The following SLC2A7 variants were observed in gnomAD, a reference collection of about 807,000 sequenced individuals.
SLC2A7 encodes the protein solute carrier family 2, facilitated glucose transporter member 7.
Under a neutral mutation model 50.5 loss-of-function variants are expected in SLC2A7, and 50 were observed. The ratio of observed to expected loss-of-function variants is 0.99; its 90% CI spans 0.79 to 1.25. The LOEUF is 1.25. Among genes scored for constraint, SLC2A7 ranks in the 50% most tolerant of loss-of-function variants. The pLI is 0.00. For synonymous variants in SLC2A7, 308 were observed against 300.4 expected (o/e 1.03, Z -0.26); for missense variants, 683 against 679.1 (o/e 1.01, Z -0.06).
chr1:9,020,243 G>T (rs756713718), intron 3 of SLC2A7, among the ~76,000 whole-genome samples: 1 of 152,162 alleles, frequency 6.6e-6, no homozygotes, highest in Non-Finnish European at 1.5e-5. Context: ...AACAAAGAAT[G>T]GGCTGTCCCA....
intron 7 of SLC2A7, among the ~76,000 whole-genome samples, chr1:9,013,852 T>C (rs528938798): frequency 6.6e-6 from 1 of 152,214 alleles, no homozygotes; most frequent in Admixed American, 6.5e-5. Context: ...AGCTCCTCCC[T>C]CTCTGGGCCT....
downstream of SLC2A7, among the ~76,000 whole-genome samples, chr1:8,999,578 C>T (rs1640548337): frequency 6.6e-6 from 1 of 152,198 alleles, no homozygotes; most frequent in Admixed American, 6.5e-5. Flanking sequence ...TCACTCAGCC[C>T]ACACTCTGGT....
At chr1:9,000,914 T>C (rs1486110337), downstream of SLC2A7, among the ~76,000 whole-genome samples, 2 of 152,020 alleles carry the variant, frequency 1.3e-5, no homozygotes, top group African/African-American at 4.8e-5. Context: ...TAGACAGCTC[T>C]GCTCCTGGGC....
Position 9,020,405 on chromosome 1 carries a change from A to G in SLC2A7, c.312-1072T>C, listed in dbSNP as rs1312021677. Among the ~76,000 whole-genome samples, 7 of 152,280 alleles carry G rather than the reference A, an allele frequency of 4.6e-5. No individual in the cohort carries two copies. The South Asian group carries it at 1.5e-3, about 32-fold the overall frequency. ...TACATGATTTCTAAGATCCCTTCCAAGGCTGAAAAACCACAAGCCTGAGAA... is the reference window on the plus strand; with the variant it reads ...TACATGATTTCTAAGATCCCTTCCAGGGCTGAAAAACCACAAGCCTGAGAA... On this transcript the variant is annotated intron_variant, in intron 3 of 11. Coordinates refer to ENST00000400906, the MANE Select transcript of SLC2A7 (RefSeq NM_207420.3).
intron 11 of SLC2A7, among the ~76,000 whole-genome samples, chr1:9,004,259 G>T (rs774569363): frequency 2.0e-5 from 3 of 151,730 alleles, no homozygotes; most frequent in Non-Finnish European, 2.9e-5. Flanking sequence ...CTTAAGCCTG[G>T]GAGGTCAAGG....
chr1:9,016,080 C>T (rs1232835679), intron 5 of SLC2A7, among the ~76,000 whole-genome samples: 1 of 152,160 alleles, frequency 6.6e-6, no homozygotes, highest in Non-Finnish European at 1.5e-5. Flanking sequence ...CTGAATGAGG[C>T]ACAGGTGCTA....
chr1:9,021,581 G>A (rs1640913408), intron 3 of SLC2A7, among the ~76,000 whole-genome samples: 1 of 152,144 alleles, frequency 6.6e-6, no homozygotes, highest in Admixed American at 6.5e-5. Flanking sequence ...ACTGAGGACT[G>A]GCCAGGGAGT....
In SLC2A7 at chr1:9,003,286, T is replaced by C. The variant is rs1640601386; in HGVS notation, c.*14A>G. 2 of 1,613,512 alleles carry C rather than the reference T, an allele frequency of 1.2e-6. No homozygotes were observed. Among genetic ancestry groups the C allele is most frequent in the Non-Finnish European group, 8.5e-7 (1 of 1,179,710 alleles). The stretch of plus-strand genomic sequence containing the variant: ...AAGCCTTGAATATGGGCTCCCGTCC[T>C]TCATGCAGGGCCACTAAAAGGAAGT... On this transcript the variant is annotated 3_prime_UTR_variant, in exon 12 of 12. Coordinates refer to ENST00000400906, the MANE Select transcript of SLC2A7 (RefSeq NM_207420.3).
chr1:9,019,095 C>G, intron 4 of SLC2A7, 114 bp downstream of exon 4: 1 of 1,378,880 alleles, frequency 7.3e-7, no homozygotes, highest in Non-Finnish European at 9.8e-7. Context: ...GATGGGAGGA[C>G]GTCTTGAAAT....
In SLC2A7 at chr1:9,018,322, G is replaced by C; in HGVS notation, c.490C>G (p.Leu164Val). Residue 164 changes from leucine to valine, a missense_variant, in exon 5 of 12, where the codon CTG becomes GTG. Coordinates refer to ENST00000400906, the MANE Select transcript of SLC2A7 (RefSeq NM_207420.3). ...MYLGELAPKN[L>V]RGMVGTMTEV... The stretch of plus-strand genomic sequence containing the variant: ...GTCATTGTTCCCACCATGCCTCTCA[G>C]GTTCTTGGGGGCCAGTTCTCCCAGG... The C allele has an allele frequency of 6.2e-7, 1 of 1,614,212 alleles. No homozygotes were observed. Among genetic ancestry groups the C allele is most frequent in the Non-Finnish European group, 8.5e-7 (1 of 1,180,044 alleles).
intron 6 of SLC2A7, 100 bp downstream of exon 6, chr1:9,015,017 T>C: frequency 6.5e-7 from 1 of 1,541,568 alleles, no homozygotes; most frequent in Non-Finnish European, 8.8e-7. Context: ...CTCCCAGCTC[T>C]CACCCCTGAC....
At position 9,014,635 on chromosome 1, in the gene SLC2A7, T is replaced by C. The variant is rs1180928017; in HGVS notation, c.903+46A>G. On this transcript the variant is annotated intron_variant, in intron 7 of 11. Transcript: ENST00000400906. ...ACTGTGTGTTGCTATCCATGAAGCC[T>C]GGGTCTGCTTCATCTGTCTCCCTGC... 1.9e-6 allele frequency: 3 copies of C among 1,544,818 alleles called. No homozygotes were observed. The African/African-American group carries it at 4.1e-5, about 21-fold the overall frequency.
At position 9,007,351 on chromosome 1, in the gene SLC2A7, A is replaced by G. The variant is rs747473228; in HGVS notation, c.1151T>C (p.Ile384Thr). 11 of 1,614,240 alleles carry G rather than the reference A, an allele frequency of 6.8e-6. No homozygotes were observed. In the South Asian group the frequency reaches 1.1e-4, roughly 16 times the overall value. ...TCCCGCGATGTAGGCAAAGACACAG[A>G]TGATGCCGAGGTAGGACAGCTCGGG... is the stretch of plus-strand genomic sequence containing the variant. ...RVPELSYLGI[I>T]CVFAYIAGHS... The change falls in exon 10 of 12, where the codon ATC becomes ACC. Residue 384 changes from isoleucine (I) to threonine (T), a missense_variant. Transcript: ENST00000400906.
the SLC2A7 span, among the ~76,000 whole-genome samples, chr1:8,993,266 T>A: frequency 6.6e-6 from 1 of 152,198 alleles, no homozygotes; most frequent in East Asian, 1.9e-4. Flanking sequence ...CCTGCCTCCA[T>A]GATTCAATTA....
intron 1 of SLC2A7, among the ~76,000 whole-genome samples, chr1:9,025,917 G>A (rs1293591686): frequency 6.6e-6 from 1 of 152,192 alleles, no homozygotes; most frequent in East Asian, 1.9e-4. Context: ...TAGCTGCCTG[G>A]CTGCCCACAG....
At chr1:8,996,291 T>C in the SLC2A7 span, among the ~76,000 whole-genome samples, 1 of 152,220 alleles carries the variant, frequency 6.6e-6, no homozygotes, top group East Asian at 1.9e-4. Context: ...TTTCGGAGGG[T>C]CTTTCTCCTT....
intron 10 of SLC2A7, among the ~76,000 whole-genome samples, chr1:9,005,660 G>T (rs913227369): frequency 5.3e-5 from 8 of 151,772 alleles, no homozygotes; most frequent in Admixed American, 5.3e-4. Context: ...ATAAAAATTA[G>T]TCCGGCATGG....
At chr1:9,009,954 G>A (rs576792395) in intron 9 of SLC2A7, among the ~76,000 whole-genome samples, 189 bp downstream of exon 9, 1 of 152,254 alleles carries the variant, frequency 6.6e-6, no homozygotes, top group Non-Finnish European at 1.5e-5. Flanking sequence ...GCATGTGCAG[G>A]TGTAGGTAAA....
chr1:9,019,010 T>C (rs1640872208), intron 4 of SLC2A7, among the ~76,000 whole-genome samples, 199 bp downstream of exon 4: 2 of 152,100 alleles, frequency 1.3e-5, no homozygotes, highest in African/African-American at 4.8e-5. Context: ...AGTGAGGCTC[T>C]GTCTCTAAAA....
Sources: gnomAD v4.1 joint callset for allele counts (sites outside exome capture counted in the v4.1 genomes callset) on GRCh38, gnomAD v4.1.1 for gene constraint, MANE v1.5 for transcripts, NCBI Gene and HGNC (gene_info 2026-07-23, HGNC 2026-07-21) for gene names.